The following FSIP1 variants were observed in gnomAD, a reference collection of about 807,000 sequenced individuals.
FSIP1 encodes the protein fibrous sheath interacting protein 1, also known as fibrous sheath-interacting protein 1.
FSIP1 carries 65 observed loss-of-function variants against 60.9 expected under a neutral mutation model. The observed-to-expected ratio is 1.07, with a 90% CI of 0.87 to 1.31. The LOEUF (loss-of-function observed/expected upper bound fraction) is 1.31, where lower values mean the gene tolerates loss of function less well. FSIP1 is among the 40% of genes most tolerant of loss of function. FSIP1 has a pLI of 0.00. For synonymous variants in FSIP1, 209 were observed against 221.2 expected, an observed-to-expected ratio of 0.94 and a Z score of 0.49; for missense variants, 675 against 665.5, an observed-to-expected ratio of 1.01 and a Z score of -0.16.
At chr15:39,748,858 G>A (rs1247846346) in intron 5 of FSIP1, among the ~76,000 whole-genome samples, 3 of 151,824 alleles carry the variant, frequency 2.0e-5, no homozygotes, top group Non-Finnish European at 2.9e-5. Context: ...CCACAGGGAA[G>A]GAGAAATCAA....
intron 5 of FSIP1, among the ~76,000 whole-genome samples, chr15:39,760,519 T>C (rs1386577743): frequency 6.6e-6 from 1 of 152,182 alleles, no homozygotes; most frequent in Admixed American, 6.5e-5. Context: ...TTCCAGAGTA[T>C]GCTTGCCAAA....
chr15:39,732,092 T>C (rs552117580), intron 8 of FSIP1, among the ~76,000 whole-genome samples: 5 of 152,206 alleles, frequency 3.3e-5, no homozygotes, highest in African/African-American at 1.2e-4. Flanking sequence ...CATTAGATTC[T>C]CAAAAAGAGC....
chr15:39,687,429 C>T (rs1894427282), intron 10 of FSIP1, among the ~76,000 whole-genome samples: 1 of 152,210 alleles, frequency 6.6e-6, no homozygotes, highest in African/African-American at 2.4e-5. Context: ...CTTGGGATTA[C>T]AGGCGTGAGC....
At chr15:39,646,913 T>C (rs1049179587) in intron 10 of FSIP1, among the ~76,000 whole-genome samples, 1 of 152,098 alleles carries the variant, frequency 6.6e-6, no homozygotes, top group Non-Finnish European at 1.5e-5. Context: ...GATCCTGCCA[T>C]TTGCCACACG....
intron 1 of FSIP1, among the ~76,000 whole-genome samples, chr15:39,778,946 G>T (rs1168978083): frequency 2.0e-5 from 3 of 152,050 alleles, no homozygotes; most frequent in Admixed American, 6.6e-5. Flanking sequence ...TGGAATTAAT[G>T]ACTTAGTAAG....
At chr15:39,648,212 CAAAAAAA>C (rs35577831) in intron 10 of FSIP1, among the ~76,000 whole-genome samples, 4 of 117,578 alleles carry the variant, frequency 3.4e-5, no homozygotes, top group South Asian at 2.7e-4. Flanking sequence ...AAATTGCTAC[CAAAAAAA>C]AAAAAAAGAA....
At chr15:39,706,393 G>A (rs1595638632) in intron 10 of FSIP1, among the ~76,000 whole-genome samples, 2 of 151,962 alleles carry the variant, frequency 1.3e-5, no homozygotes, top group South Asian at 4.1e-4. Flanking sequence ...CATTCTTTTG[G>A]CTGGCCTAAC....
chr15:39,775,391 T>A (rs1898020036), intron 2 of FSIP1, among the ~76,000 whole-genome samples: 1 of 152,218 alleles, frequency 6.6e-6, no homozygotes, highest in East Asian at 1.9e-4. Context: ...AATTTTTCAT[T>A]ATAATGTTCA....
rs1401720462 is a variant in FSIP1, at chr15:39,741,838, C to A, written c.622G>T (p.Glu208Ter). The stretch of plus-strand genomic sequence containing the variant: ...AGTTTCTGCATCTGCATTTCATATT[C>A]TTCTGGAGGGATTTGAGTATGAAAC... ...SVFHTQIPPE[E>*]YEMQMQKLNK... Residue 208 changes from glutamate to a stop codon, truncating the protein, a stop_gained, in exon 6 of 12, where the codon GAA (glutamate) becomes TAA (stop). Transcript: ENST00000350221. LOFTEE classifies it high-confidence loss of function. The A allele has an allele frequency of 1.2e-6, 2 of 1,602,946 alleles. No homozygotes were observed. Among genetic ancestry groups the A allele is most frequent in the South Asian group, 2.2e-5 (2 of 90,758 alleles).
chr15:39,686,995 A>G (rs945291043), intron 10 of FSIP1, among the ~76,000 whole-genome samples: 2 of 152,048 alleles, frequency 1.3e-5, no homozygotes, highest in African/African-American at 4.8e-5. Context: ...AACCTTTTAA[A>G]TGTGAGGTTT....
At chr15:39,737,967 T>A (rs1301796118) in intron 8 of FSIP1, 124 bp downstream of exon 8, 6 of 595,964 alleles carry the variant, frequency 1.0e-5, no homozygotes, top group Non-Finnish European at 1.7e-5. Flanking sequence ...AGGGTTTTTT[T>A]AAAATCAAAG....
intron 10 of FSIP1, among the ~76,000 whole-genome samples, chr15:39,679,330 T>C (rs1012117696): frequency 6.6e-6 from 1 of 152,220 alleles, no homozygotes; most frequent in African/African-American, 2.4e-5. Context: ...TAAGGCCTTG[T>C]GCATTTGTCT....
intron 1 of FSIP1, among the ~76,000 whole-genome samples, chr15:39,781,369 T>C (rs1351032208): frequency 6.6e-6 from 1 of 152,206 alleles, no homozygotes; most frequent in African/African-American, 2.4e-5. Context: ...ATATTGCCAA[T>C]GACAATGCAA....
chr15:39,744,612 C>CCTGGA (rs1488241790), intron 5 of FSIP1, among the ~76,000 whole-genome samples: 2 of 152,100 alleles, frequency 1.3e-5, no homozygotes, highest in Non-Finnish European at 2.9e-5. Context: ...TCACTGTACA[C>CCTGGA]CTGGAACTGA....
chr15:39,767,326 T>C (rs1279096075), intron 3 of FSIP1, among the ~76,000 whole-genome samples: 1 of 152,232 alleles, frequency 6.6e-6, no homozygotes, highest in East Asian at 1.9e-4. Context: ...ATAGGTAGTC[T>C]ATATAGCGGG....
chr15:39,759,362 C>G (rs912804230), intron 5 of FSIP1, among the ~76,000 whole-genome samples: 2 of 152,074 alleles, frequency 1.3e-5, no homozygotes, highest in Admixed American at 6.5e-5. Flanking sequence ...TATAACCTCC[C>G]TGATAATCAG....
At chr15:39,613,011 A>G (rs558898669) in intron 11 of FSIP1, among the ~76,000 whole-genome samples, 125 of 152,206 alleles carry the variant, frequency 8.2e-4, no homozygotes, top group Non-Finnish European at 7.4e-4. Flanking sequence ...AAAGAAAAAA[A>G]TATCAGAATA....
intron 2 of FSIP1, among the ~76,000 whole-genome samples, chr15:39,773,326 C>A (rs146497417): frequency 3.9e-5 from 6 of 152,172 alleles, no homozygotes; most frequent in Non-Finnish European, 8.8e-5. Context: ...CTAAGGTGAA[C>A]CTTACTGACT....
chr15:39,704,307 A>T (rs570782013), intron 10 of FSIP1, among the ~76,000 whole-genome samples: 1 of 152,346 alleles, frequency 6.6e-6, no homozygotes, highest in South Asian at 2.1e-4. Context: ...AAGTATAACT[A>T]TTTTTCCAAT....
Sources: allele counts gnomAD v4.1 joint callset (sites outside exome capture counted in the v4.1 genomes callset), GRCh38; gene constraint gnomAD v4.1.1; transcripts MANE v1.5; gene names NCBI Gene and HGNC (gene_info 2026-07-23, HGNC 2026-07-21).